The following CFAP91 variants were observed in gnomAD, a reference collection of about 807,000 sequenced individuals.
The protein encoded by CFAP91 is cilia and flagella associated protein 91.
A neutral mutation model predicts 95.9 loss-of-function variants in CFAP91; 85 were observed. That is an observed-to-expected ratio of 0.89 (90% confidence interval 0.74 to 1.06). The LOEUF (loss-of-function observed/expected upper bound fraction) is 1.06. Ranked by LOEUF, CFAP91 falls within the 50% of genes least tolerant of loss-of-function variation. The probability of loss-of-function intolerance (pLI) is 0.00; values close to 1 mark genes in which losing one functional copy is unlikely to be tolerated. For synonymous variants in CFAP91, 335 were observed against 327.5 expected (o/e 1.02, Z -0.25); for missense variants, 962 against 943.4 (o/e 1.02, Z -0.26).
chr3:119,753,171 T>C (rs1274368049), intron 17 of CFAP91, among the ~76,000 whole-genome samples: 1 of 152,194 alleles, frequency 6.6e-6, no homozygotes, highest in African/African-American at 2.4e-5. Context: ...TTGGAGCTAC[T>C]TTTTTCCTGG....
At chr3:119,735,233 T>C (rs754785371) in intron 10 of CFAP91, among the ~76,000 whole-genome samples, 11 of 152,152 alleles carry the variant, frequency 7.2e-5, no homozygotes, top group Non-Finnish European at 1.5e-4. Context: ...TTCTGTGTTA[T>C]ATTTTTAATC....
chr3:119,726,348 A>ATTC lies in CFAP91; in HGVS notation c.860_860+1insTTC (p.Lys287delinsAsnSer). 6.2e-7 allele frequency: 1 copy of ATTC among 1,609,074 alleles called. No homozygotes were observed. Among genetic ancestry groups the ATTC allele is most frequent in the Non-Finnish European group, 8.5e-7 (1 of 1,177,982 alleles). On this transcript the variant is annotated protein_altering_variant and splice_region_variant. Transcript: ENST00000273390. The stretch of plus-strand genomic sequence containing the variant: ...GCCTTCAGAGAGCAGGAGATTGAAA[A>ATTC]GTAGGTTCTCTATCACCCAGACAAC...
At chr3:119,737,017 G>A (rs1432839586) in intron 10 of CFAP91, among the ~76,000 whole-genome samples, 1 of 152,100 alleles carries the variant, frequency 6.6e-6, no homozygotes, top group Admixed American at 6.5e-5. Context: ...TGTATTTTTA[G>A]TAGAGATGGG....
chr3:119,762,172 G>A (rs778520905), intron 17 of CFAP91, among the ~76,000 whole-genome samples: 7 of 151,728 alleles, frequency 4.6e-5, no homozygotes, highest in South Asian at 4.2e-4. Context: ...AAAATCAGTA[G>A]CATTTCTATA....
At chr3:119,756,060 C>T (rs563052047) in intron 17 of CFAP91, among the ~76,000 whole-genome samples, 112 of 152,016 alleles carry the variant, frequency 7.4e-4, no homozygotes, top group African/African-American at 2.6e-3. Flanking sequence ...TTTCCAAAAA[C>T]GATAAAAGAC....
At chr3:119,707,653 T>C (rs2053393525) in intron 3 of CFAP91, 92 bp downstream of exon 3, 1 of 1,283,274 alleles carries the variant, frequency 7.8e-7, no homozygotes, top group Non-Finnish European at 1.0e-6. Context: ...AATGTTCAGT[T>C]GTGGTGTTAT....
intron 11 of CFAP91, 68 bp from the exon 12 acceptor site, chr3:119,739,187 C>T (rs1472085800): frequency 7.3e-7 from 1 of 1,365,976 alleles, no homozygotes; most frequent in Non-Finnish European, 1.0e-6. Flanking sequence ...AATAAGTCTT[C>T]AAAAGAATAT....
chr3:119,710,057 A>T, intron 5 of CFAP91, 162 bp downstream of exon 5: 1 of 601,038 alleles, frequency 1.7e-6, no homozygotes, highest in South Asian at 2.1e-5. Context: ...AGCATTTTAA[A>T]ACATGAAACA....
intron 10 of CFAP91, among the ~76,000 whole-genome samples, chr3:119,736,438 AT>A (rs1197656866): frequency 1.4e-3 from 198 of 144,702 alleles, no homozygotes; most frequent in Middle Eastern, 3.5e-3. Flanking sequence ...CGCCTGGCTA[AT>A]TTTTTTTTTT....
chr3:119,758,645 C>G (rs755128713), intron 17 of CFAP91, among the ~76,000 whole-genome samples: 29 of 152,048 alleles, frequency 1.9e-4, no homozygotes, highest in Non-Finnish European at 3.2e-4. Context: ...TAATAGAATT[C>G]TATAAATGCC....
At chr3:119,720,684 A>G (rs1452278663) in intron 6 of CFAP91, among the ~76,000 whole-genome samples, 1 of 152,192 alleles carries the variant, frequency 6.6e-6, no homozygotes, top group Non-Finnish European at 1.5e-5. Flanking sequence ...GTATAGCCTT[A>G]ATTTGAAAAC....
chr3:119,730,492 G>A, intron 8 of CFAP91, 115 bp downstream of exon 8: 1 of 1,014,620 alleles, frequency 9.9e-7, no homozygotes, highest in South Asian at 1.6e-5. Flanking sequence ...GAATCACATA[G>A]GTAAGGGCTA....
intron 17 of CFAP91, among the ~76,000 whole-genome samples, chr3:119,760,275 T>C (rs1179723913): frequency 6.6e-6 from 1 of 151,838 alleles, no homozygotes; most frequent in Non-Finnish European, 1.5e-5. Context: ...TAAAAAACTA[T>C]AAAATGAGAC....
chr3:119,705,465 A>T, intron 1 of CFAP91, among the ~76,000 whole-genome samples: 1 of 152,034 alleles, frequency 6.6e-6, no homozygotes, highest in Admixed American at 6.5e-5. Flanking sequence ...GCTATTCTTC[A>T]GACGTATCAG....
intron 5 of CFAP91, among the ~76,000 whole-genome samples, chr3:119,712,412 TG>T (rs2053487824): frequency 6.6e-6 from 1 of 152,174 alleles, no homozygotes; most frequent in Non-Finnish European, 1.5e-5. Flanking sequence ...TTTGATCACA[TG>T]GTTCAAATGT....
chr3:119,744,651 G>A (rs936647107), intron 14 of CFAP91, among the ~76,000 whole-genome samples: 1 of 152,152 alleles, frequency 6.6e-6, no homozygotes, highest in Non-Finnish European at 1.5e-5. Flanking sequence ...ATTATTTCGT[G>A]AGGTAGGAAA....
At chr3:119,737,277 A>G in intron 10 of CFAP91, 89 bp from the exon 11 acceptor site, 5 of 709,656 alleles carry the variant, frequency 7.0e-6, no homozygotes, top group Non-Finnish European at 9.8e-6. Context: ...ATTATGTAAT[A>G]CATTCATGTA....
intron 14 of CFAP91, among the ~76,000 whole-genome samples, chr3:119,745,756 C>G (rs374096692): frequency 7.9e-6 from 1 of 126,172 alleles, no homozygotes; most frequent in Non-Finnish European, 1.8e-5. Flanking sequence ...AGGCATTCAG[C>G]AGATATATTT....
chr3:119,716,280 A>G (rs910383860), intron 6 of CFAP91, among the ~76,000 whole-genome samples: 2 of 152,252 alleles, frequency 1.3e-5, no homozygotes, highest in Non-Finnish European at 2.9e-5. Context: ...CTAGGCCTAT[A>G]TTATGTGAAC....
Sources: gnomAD v4.1 joint callset for allele counts (sites outside exome capture counted in the v4.1 genomes callset) on GRCh38, gnomAD v4.1.1 for gene constraint, MANE v1.5 for transcripts, NCBI Gene and HGNC (gene_info 2026-07-23, HGNC 2026-07-21) for gene names.